The following SNTG1 variants were observed in gnomAD, a reference collection of about 807,000 sequenced individuals.
The protein encoded by SNTG1 is syntrophin gamma 1, also known as gamma-1-syntrophin.
SNTG1 carries 39 observed loss-of-function variants against 74.7 expected under a neutral mutation model. The observed-to-expected ratio is 0.52, with a 90% confidence interval of 0.40 to 0.68. The LOEUF (loss-of-function observed/expected upper bound fraction) is 0.68. Ranked by LOEUF, SNTG1 falls within the 30% of genes least tolerant of loss-of-function variation. The pLI is 0.00. For missense variants in SNTG1, 685 were observed against 609.5 expected, an observed-to-expected ratio of 1.12 and a Z score of -1.30; for synonymous variants, 254 against 217.1, an observed-to-expected ratio of 1.17 and a Z score of -1.49.
At chr8:50,233,520 C>T (rs776086222) in intron 2 of SNTG1, among the ~76,000 whole-genome samples, 1 of 151,666 alleles carries the variant, frequency 6.6e-6, no homozygotes, top group Non-Finnish European at 1.5e-5. Context: ...GTTAAGACTT[C>T]TTAGACATGA....
chr8:50,079,372 T>A (rs571811247), intron 1 of SNTG1, among the ~76,000 whole-genome samples: 1 of 152,260 alleles, frequency 6.6e-6, no homozygotes, highest in East Asian at 1.9e-4. Context: ...GGGAAATGTC[T>A]GTTCATATCC....
chr8:50,146,339 G>A (rs982817860), intron 1 of SNTG1, among the ~76,000 whole-genome samples: 1 of 152,042 alleles, frequency 6.6e-6, no homozygotes, highest in African/African-American at 2.4e-5. Context: ...CTAACATGGT[G>A]AAACCCCGTC....
intron 8 of SNTG1, among the ~76,000 whole-genome samples, chr8:50,501,717 C>T (rs1228908732): frequency 6.6e-6 from 1 of 151,692 alleles, no homozygotes; most frequent in African/African-American, 2.4e-5. Context: ...CTCGGTCTCC[C>T]AAAGTGCTGG....
chr8:50,405,729 T>C (rs6985128), intron 4 of SNTG1, among the ~76,000 whole-genome samples: 7,114 of 152,198 alleles, frequency 0.047, 216 homozygotes, highest in Middle Eastern at 0.095. Context: ...TTCAGTGTCA[T>C]GAATCTTTTC....
In SNTG1 at chr8:50,466,469, G is replaced by A. The variant is rs534851579; in HGVS notation, c.363+15740G>A. 2.0e-5 allele frequency among the ~76,000 whole-genome samples: 3 copies of A among 152,042 alleles called. No homozygotes were observed. In the South Asian group the frequency reaches 6.2e-4, roughly 32 times the overall value. On this transcript the variant is annotated intron_variant, in intron 8 of 18. Transcript: ENST00000642720. ...GCTTAATTGTAAGTCTTCAAATTGG[G>A]AAACATGAGCCCTTTAACTTTTTCT... is the stretch of plus-strand genomic sequence containing the variant.
At chr8:50,372,825 C>T (rs1215713593) in intron 2 of SNTG1, among the ~76,000 whole-genome samples, 1 of 152,062 alleles carries the variant, frequency 6.6e-6, no homozygotes, top group East Asian at 1.9e-4. Context: ...CAAGAAACTG[C>T]ATGCCGGGTT....
intron 8 of SNTG1, among the ~76,000 whole-genome samples, chr8:50,454,434 T>C (rs1394524677): frequency 6.6e-6 from 1 of 152,066 alleles, no homozygotes; most frequent in Admixed American, 6.6e-5. Flanking sequence ...GAGGCGGAGA[T>C]TGCAGTGAGC....
chr8:50,402,127 T>G, intron 3 of SNTG1, 83 bp from the exon 4 acceptor site: 1 of 1,369,348 alleles, frequency 7.3e-7, no homozygotes, highest in Non-Finnish European at 9.9e-7. Context: ...ATTCACCATG[T>G]TTTGCTGTAA....
chr8:50,486,029 T>A (rs1245750435), intron 8 of SNTG1, among the ~76,000 whole-genome samples: 1 of 152,170 alleles, frequency 6.6e-6, no homozygotes, highest in Non-Finnish European at 1.5e-5. Context: ...CATTGATCTA[T>A]ATCTCTGTTT....
At chr8:50,766,759 C>T (rs531097282) in intron 18 of SNTG1, among the ~76,000 whole-genome samples, 2 of 151,890 alleles carry the variant, frequency 1.3e-5, no homozygotes, top group East Asian at 3.9e-4. Flanking sequence ...ATCTGCTGCC[C>T]ATATGTCCTC....
intron 2 of SNTG1, among the ~76,000 whole-genome samples, chr8:50,291,883 G>C (rs143730105): frequency 2.6e-5 from 4 of 152,258 alleles, no homozygotes; most frequent in Non-Finnish European, 5.9e-5. Context: ...ATCTATGTGA[G>C]AGAAAGGGAG....
chr8:50,236,028 C>T (rs908249152), intron 2 of SNTG1, among the ~76,000 whole-genome samples: 3 of 152,014 alleles, frequency 2.0e-5, no homozygotes, highest in East Asian at 3.9e-4. Flanking sequence ...CTAAAAGAGC[C>T]GTGTAGTTGT....
intron 17 of SNTG1, among the ~76,000 whole-genome samples, chr8:50,739,557 A>G (rs1433123311): frequency 6.6e-6 from 1 of 152,098 alleles, no homozygotes; most frequent in Non-Finnish European, 1.5e-5. Flanking sequence ...GCAATCCATT[A>G]CTGGGTATAT....
chr8:49,978,702 A>T lies in SNTG1; in HGVS notation c.-103+66471A>T, dbSNP rs570210538. On this transcript the variant is annotated intron_variant, in intron 1 of 18. Coordinates refer to ENST00000642720, the MANE Select transcript of SNTG1 (RefSeq NM_018967.5). ...AATAGTAATACAAATAAAAATAAGAAAAACAGCCATTTTATTGAGAGTTTA... is the reference window on the plus strand; with the variant it reads ...AATAGTAATACAAATAAAAATAAGATAAACAGCCATTTTATTGAGAGTTTA... Among the ~76,000 whole-genome samples the T allele has an allele frequency of 2.0e-5, 3 of 152,370 alleles. No individual in the cohort carries two copies. The South Asian group carries it at 6.2e-4, about 32-fold the overall frequency.
intron 11 of SNTG1, among the ~76,000 whole-genome samples, chr8:50,538,858 CT>C (rs1282603745): frequency 6.6e-6 from 1 of 152,130 alleles, no homozygotes; most frequent in African/African-American, 2.4e-5. Flanking sequence ...CACTGAGAAA[CT>C]TTTTAAAAAA....
At chr8:50,624,259 G>T (rs2094942405) in intron 13 of SNTG1, among the ~76,000 whole-genome samples, 1 of 151,544 alleles carries the variant, frequency 6.6e-6, no homozygotes, top group Non-Finnish European at 1.5e-5. Context: ...CCTCTCACTA[G>T]AATTCATGCA....
At chr8:49,966,161 A>T (rs1811116578) in intron 1 of SNTG1, among the ~76,000 whole-genome samples, 1 of 152,180 alleles carries the variant, frequency 6.6e-6, no homozygotes, top group South Asian at 2.1e-4. Context: ...TGAGAAAAAA[A>T]TAGAGTTTGG....
At chr8:50,398,347 G>T (rs1007695909) in intron 3 of SNTG1, among the ~76,000 whole-genome samples, 1 of 152,186 alleles carries the variant, frequency 6.6e-6, no homozygotes, top group Non-Finnish European at 1.5e-5. Context: ...CTCCTGCAGC[G>T]GCCCCTGCTG....
At chr8:50,299,070 T>G (rs1293519815) in intron 2 of SNTG1, among the ~76,000 whole-genome samples, 1 of 152,186 alleles carries the variant, frequency 6.6e-6, no homozygotes, top group African/African-American at 2.4e-5. Flanking sequence ...ATAAAGTAAT[T>G]ACAAAGTAAT....
Sources: allele counts gnomAD v4.1 joint callset (sites outside exome capture counted in the v4.1 genomes callset), GRCh38; gene constraint gnomAD v4.1.1; transcripts MANE v1.5; gene names NCBI Gene and HGNC (gene_info 2026-07-23, HGNC 2026-07-21).